The following DCHS2 variants were observed in gnomAD, a reference collection of about 807,000 sequenced individuals.
DCHS2 encodes protocadherin-23.
In DCHS2, 142 loss-of-function variants were observed where a neutral mutation model predicts 182.4. That is an observed-to-expected ratio of 0.78 (90% CI 0.68 to 0.89). DCHS2 has a LOEUF of 0.89. Among genes scored for constraint, DCHS2 ranks in the 40% least tolerant of loss-of-function variants. The pLI is 0.00. For missense variants in DCHS2, 4,319 were observed against 4,198.6 expected, an observed-to-expected ratio of 1.03 and a Z score of -0.79; for synonymous variants, 1,740 against 1,663.3, an observed-to-expected ratio of 1.05 and a Z score of -1.12.
Position 154,366,401 on chromosome 4 carries a change from T to C in DCHS2, c.2285A>G (p.Glu762Gly). The C allele has an allele frequency of 1.2e-6, 2 of 1,613,778 alleles. No individual in the cohort carries two copies. Among genetic ancestry groups the C allele is most frequent in the African/African-American group, 1.3e-5 (1 of 74,990 alleles). Residue 762 changes from glutamate (E) to glycine (G), a missense_variant, in exon 3 of 20, where the codon GAG (glutamate) becomes GGG (glycine). Transcript: ENST00000357232. ...SAQAFVRVDLEDVNDNHPVFN... is the reference protein window; with the variant it reads ...SAQAFVRVDLGDVNDNHPVFN... ...CACAGGATGATTATCATTCACGTCC[T>C]CCAGGTCCACACGAACAAAGGCTTG...
chr4:154,309,956 C>A (rs1159803521), intron 10 of DCHS2, among the ~76,000 whole-genome samples: 9 of 152,162 alleles, frequency 5.9e-5, no homozygotes, highest in African/African-American at 2.2e-4. Flanking sequence ...AGGCTTTAAA[C>A]CTGTAACTCA....
intron 12 of DCHS2, among the ~76,000 whole-genome samples, chr4:154,302,067 A>G (rs1382339090): frequency 3.3e-5 from 5 of 152,242 alleles, no homozygotes; most frequent in Non-Finnish European, 7.3e-5. Flanking sequence ...TTTTAATTGT[A>G]GAAAAGTATA....
At position 154,302,021 on chromosome 4, in the gene DCHS2, T is replaced by C. The variant is rs967369079; in HGVS notation, c.5605+2648A>G. 6.6e-5 allele frequency among the ~76,000 whole-genome samples: 10 copies of C among 152,226 alleles called. No individual in the cohort carries two copies. In the South Asian group the frequency reaches 8.3e-4, roughly 13 times the overall value. On this transcript the variant is annotated intron_variant, in intron 12 of 19. Transcript: ENST00000357232. ...TTTCAAAACTGAGACCTTATGTTCA[T>C]TGGAAATTTTTAGAAGTCTTAAATT...
rs561713092 is a variant in DCHS2, at chr4:154,447,795, C to G, written c.2052+41509G>C. Among the ~76,000 whole-genome samples, 8 of 152,244 alleles carry G rather than the reference C, an allele frequency of 5.3e-5. No homozygotes were observed. The South Asian group carries it at 1.7e-3, about 32-fold the overall frequency. On this transcript the variant is annotated intron_variant, in intron 1 of 19. Transcript: ENST00000357232. Reference sequence around the variant, plus strand: ...ACCTTTTTAGATAATTTTTATGTAACTGAAATAGATGAATAAGAAAATTGT... The same window carrying G: ...ACCTTTTTAGATAATTTTTATGTAAGTGAAATAGATGAATAAGAAAATTGT...
chr4:154,448,399 T>G (rs1734393921), intron 1 of DCHS2, among the ~76,000 whole-genome samples: 1 of 152,184 alleles, frequency 6.6e-6, no homozygotes, highest in Non-Finnish European at 1.5e-5. Flanking sequence ...CAGAAGCAAG[T>G]AACCCAAGAG....
At chr4:154,422,842 G>A (rs779874729) in intron 1 of DCHS2, among the ~76,000 whole-genome samples, 3 of 152,026 alleles carry the variant, frequency 2.0e-5, no homozygotes, top group South Asian at 2.1e-4. Flanking sequence ...GCCCCACTAC[G>A]CTTGTCCAGG....
In DCHS2 at chr4:154,459,876, C is replaced by T. The variant is rs151035333; in HGVS notation, c.2052+29428G>A. On this transcript the variant is annotated intron_variant, in intron 1 of 19. Coordinates refer to ENST00000357232, the MANE Select transcript of DCHS2 (RefSeq NM_001358235.2). ...ATAGAATATTCAAGACCTAAATGTA[C>T]CCACTTAACCCAACAAGTACTAATC... Among the ~76,000 whole-genome samples the T allele has an allele frequency of 5.9e-5, 9 of 152,114 alleles. No homozygotes were observed. The East Asian group carries it at 1.7e-3, about 29-fold the overall frequency.
chr4:154,489,560 G>A lies in DCHS2; in HGVS notation c.1796C>T (p.Thr599Ile). Residue 599 changes from threonine to isoleucine, a missense_variant, in exon 1 of 20, where the codon ACC (threonine) becomes ATC (isoleucine). Thr to Ile is a moderately conservative substitution (Grantham distance 89, BLOSUM62 -1). Transcript: ENST00000357232. ...GGCAAAAGATGGTCCACACTCTGCGGTGTGGACCATCTTTGATTGCAGGGA... is the reference window on the plus strand; with the variant it reads ...GGCAAAAGATGGTCCACACTCTGCGATGTGGACCATCTTTGATTGCAGGGA... ...LGSLQSKMVH[T>I]AECGPSFAID... 6.4e-7 allele frequency: 1 copy of A among 1,551,328 alleles called. No homozygotes were observed. The highest frequency in any genetic ancestry group is 1.2e-5 in the South Asian group (1 of 84,044).
chr4:154,465,441 G>T (rs554466039), intron 1 of DCHS2, among the ~76,000 whole-genome samples: 2 of 152,250 alleles, frequency 1.3e-5, no homozygotes, highest in Non-Finnish European at 2.9e-5. Context: ...GACCAAGGCG[G>T]GTGGGTCACC....
At chr4:154,341,403 A>G (rs1374986103) in intron 3 of DCHS2, among the ~76,000 whole-genome samples, 1 of 151,462 alleles carries the variant, frequency 6.6e-6, no homozygotes, top group African/African-American at 2.4e-5. Context: ...GTTTTCAAGT[A>G]TTTCAAAACA....
intron 1 of DCHS2, among the ~76,000 whole-genome samples, chr4:154,451,488 T>C (rs1042316511): frequency 3.9e-5 from 6 of 152,168 alleles, no homozygotes; most frequent in Non-Finnish European, 8.8e-5. Context: ...ACAAGTAAGT[T>C]ACATGAGGAA....
intron 3 of DCHS2, among the ~76,000 whole-genome samples, chr4:154,350,752 A>T (rs557335220): frequency 2.0e-5 from 3 of 152,332 alleles, no homozygotes; most frequent in African/African-American, 7.2e-5. Flanking sequence ...AGGTATAATC[A>T]CATGTATTTT....
chr4:154,327,234 G>A (rs372528886), intron 7 of DCHS2, among the ~76,000 whole-genome samples: 18 of 152,142 alleles, frequency 1.2e-4, no homozygotes, highest in East Asian at 7.7e-4. Flanking sequence ...GTAAAACACC[G>A]CAAAACTTAG....
Position 154,236,051 on chromosome 4 carries a change from C to T in DCHS2, c.8601G>A (p.Trp2867Ter). The change falls in exon 20 of 20, where the codon TGG becomes TGA. Residue 2867 changes from tryptophan to a stop codon, truncating the protein, a stop_gained. Transcript: ENST00000357232. LOFTEE classifies it low-confidence loss of function (END_TRUNC). ...ATTCATCTATCCCTTCAATATCCAC[C>T]CAGACCACTAAGGAGGCAGTTGCAT... ...KGDATASLVV[W>*]VDIEGIDEFE... 1.2e-6 allele frequency: 2 copies of T among 1,613,746 alleles called. No individual in the cohort carries two copies. The highest frequency in any genetic ancestry group is 1.1e-5 in the South Asian group (1 of 91,064).
chr4:154,384,219 T>G (rs560856025), intron 1 of DCHS2: 2 of 1,306,192 alleles, frequency 1.5e-6, no homozygotes, highest in Admixed American at 5.1e-5. Context: ...TTCACCAAGT[T>G]CCAAAGTCTA....
chr4:154,452,088 A>G (rs1201314736), intron 1 of DCHS2, among the ~76,000 whole-genome samples: 1 of 152,218 alleles, frequency 6.6e-6, no homozygotes, highest in Non-Finnish European at 1.5e-5. Flanking sequence ...AGTGCTTGTG[A>G]CACACCACAA....
chr4:154,321,392 A>T (rs551623193), intron 8 of DCHS2, among the ~76,000 whole-genome samples, 170 bp from the exon 9 acceptor site: 1 of 152,320 alleles, frequency 6.6e-6, no homozygotes, highest in South Asian at 2.1e-4. Flanking sequence ...GTCTCAGAAG[A>T]TCAAAAACTG....
At chr4:154,416,889 A>G (rs918145745) in intron 1 of DCHS2, among the ~76,000 whole-genome samples, 5 of 151,978 alleles carry the variant, frequency 3.3e-5, no homozygotes, top group Non-Finnish European at 7.4e-5. Context: ...TTTATTTCCC[A>G]GATGTTTTTA....
rs12650085 is a variant in DCHS2, at chr4:154,470,326, T to C, written c.2052+18978A>G. 4.5e-3 allele frequency among the ~76,000 whole-genome samples: 685 copies of C among 151,934 alleles called. 22 individuals carry two copies. In the East Asian group the frequency reaches 0.083, roughly 18 times the overall value. ...AAGCAATACCCCATCTGTACAAAAATAAAATAAAATAATTAACCAGATGTT... is the reference window on the plus strand; with the variant it reads ...AAGCAATACCCCATCTGTACAAAAACAAAATAAAATAATTAACCAGATGTT... On this transcript the variant is annotated intron_variant, in intron 1 of 19. Coordinates refer to ENST00000357232, the MANE Select transcript of DCHS2 (RefSeq NM_001358235.2).
Sources: allele counts gnomAD v4.1 joint callset (sites outside exome capture counted in the v4.1 genomes callset), GRCh38; gene constraint gnomAD v4.1.1; transcripts MANE v1.5; gene names NCBI Gene and HGNC (gene_info 2026-07-23, HGNC 2026-07-21).